Variants in SRBD1 observed in about 807,000 individuals in gnomAD.
SRBD1 encodes S1 RNA binding domain 1, also known as S1 RNA-binding domain-containing protein 1.
Under a neutral mutation model 115.3 loss-of-function variants are expected in SRBD1, and 88 were observed. That is an observed-to-expected ratio of 0.76 (90% CI 0.64 to 0.91). SRBD1 has a LOEUF of 0.91. Ranked by LOEUF, SRBD1 falls within the 40% of genes least tolerant of loss-of-function variation. SRBD1 has a pLI of 0.00. For missense variants in SRBD1, 1,385 were observed against 1,177.4 expected (o/e 1.18, Z -2.58); for synonymous variants, 509 against 407.7 (o/e 1.25, Z -2.99).
At chr2:45,475,217 C>T (rs1669770180) in intron 16 of SRBD1, among the ~76,000 whole-genome samples, 1 of 152,162 alleles carries the variant, frequency 6.6e-6, no homozygotes, top group Non-Finnish European at 1.5e-5. Flanking sequence ...ATTCCTTTCC[C>T]TCACTTATCA....
At chr2:45,490,388 T>A (rs1670256812) in intron 14 of SRBD1, among the ~76,000 whole-genome samples, 1 of 152,118 alleles carries the variant, frequency 6.6e-6, no homozygotes, top group Non-Finnish European at 1.5e-5. Flanking sequence ...CTTAAATTCG[T>A]GACCCCCAAA....
intron 19 of SRBD1, among the ~76,000 whole-genome samples, chr2:45,412,127 G>C (rs1199502743): frequency 6.7e-6 from 1 of 150,058 alleles, no homozygotes; most frequent in Non-Finnish European, 1.5e-5. Flanking sequence ...AACAAAACAA[G>C]ACAAAAAAAA....
intron 4 of SRBD1, among the ~76,000 whole-genome samples, chr2:45,587,816 T>C (rs370223756): frequency 1.4e-4 from 22 of 152,350 alleles, no homozygotes; most frequent in Middle Eastern, 6.8e-3. Context: ...TTTAGCTAAC[T>C]ATTTTGACAC....
At chr2:45,547,479 G>C in intron 13 of SRBD1, 43 bp downstream of exon 13, 3 of 1,551,430 alleles carry the variant, frequency 1.9e-6, no homozygotes, top group Non-Finnish European at 2.7e-6. Flanking sequence ...ATCTCTGGTT[G>C]ACTGAGCCAC....
intron 14 of SRBD1, among the ~76,000 whole-genome samples, chr2:45,545,783 G>A (rs757825300): frequency 7.2e-5 from 11 of 152,092 alleles, no homozygotes; most frequent in Non-Finnish European, 1.3e-4. Flanking sequence ...TACTCCCCTT[G>A]TTACCCTGAG....
At chr2:45,530,350 A>G (rs3770283) in intron 14 of SRBD1, among the ~76,000 whole-genome samples, 58,644 of 151,696 alleles carry the variant, frequency 0.39, 12,450 homozygotes, top group African/African-American at 0.57. Context: ...CACAACACTA[A>G]GGCCAATTCA....
intron 4 of SRBD1, among the ~76,000 whole-genome samples, chr2:45,589,310 T>C (rs565217046): frequency 2.0e-5 from 3 of 152,206 alleles, no homozygotes; most frequent in Non-Finnish European, 2.9e-5. Flanking sequence ...GAAGATAAAA[T>C]ATTAATCCAA....
At chr2:45,544,403 A>G (rs1230401012) in intron 14 of SRBD1, among the ~76,000 whole-genome samples, 1 of 152,210 alleles carries the variant, frequency 6.6e-6, no homozygotes, top group African/African-American at 2.4e-5. Flanking sequence ...TAACATTTCC[A>G]AAGATGAAGA....
intron 20 of SRBD1, among the ~76,000 whole-genome samples, chr2:45,391,242 CTT>C (rs2103810878): frequency 6.6e-6 from 1 of 152,326 alleles, no homozygotes; most frequent in Non-Finnish European, 1.5e-5. Flanking sequence ...ACCATGCAAA[CTT>C]TAACACTTTC....
At chr2:45,456,974 T>C (rs1050926046) in intron 16 of SRBD1, among the ~76,000 whole-genome samples, 6 of 151,956 alleles carry the variant, frequency 3.9e-5, no homozygotes, top group Non-Finnish European at 8.8e-5. Context: ...AGAAAATGTA[T>C]ATATTTATGA....
chr2:45,397,322 T>C (rs776487736), intron 19 of SRBD1, among the ~76,000 whole-genome samples: 18 of 152,230 alleles, frequency 1.2e-4, no homozygotes, highest in Non-Finnish European at 1.9e-4. Context: ...ATATAACATA[T>C]ATATGTTACT....
chr2:45,556,448 CTTTTTTTT>C (rs59284495), intron 10 of SRBD1, among the ~76,000 whole-genome samples: 42 of 78,828 alleles, frequency 5.3e-4, no homozygotes, highest in South Asian at 2.9e-3. Flanking sequence ...TGCTCTATTA[CTTTTTTTT>C]TTTTTTTTTT....
chr2:45,571,122 C>A (rs1672992770), intron 9 of SRBD1, among the ~76,000 whole-genome samples: 1 of 152,212 alleles, frequency 6.6e-6, no homozygotes, highest in African/African-American at 2.4e-5. Context: ...TCTAGATGAA[C>A]TTTGGGCTCC....
chr2:45,465,447 T>C (rs1272203915), intron 16 of SRBD1, among the ~76,000 whole-genome samples: 1 of 152,048 alleles, frequency 6.6e-6, no homozygotes, highest in African/African-American at 2.4e-5. Flanking sequence ...GACACACGAA[T>C]GTGACAGTCA....
intron 12 of SRBD1, among the ~76,000 whole-genome samples, chr2:45,549,954 A>C (rs17322603): frequency 0.36 from 55,359 of 151,960 alleles, 11,082 homozygotes; most frequent in Non-Finnish European, 0.46. Context: ...ATTCGAGATG[A>C]AAGAAAAAAT....
At chr2:45,570,885 CCT>C (rs1672985483) in intron 9 of SRBD1, among the ~76,000 whole-genome samples, 1 of 152,080 alleles carries the variant, frequency 6.6e-6, no homozygotes, top group South Asian at 2.1e-4. Flanking sequence ...ACAGAAGAAG[CCT>C]CCCAGGTGGC....
chr2:45,584,205 C>A (rs1673447337), intron 5 of SRBD1, among the ~76,000 whole-genome samples: 1 of 152,184 alleles, frequency 6.6e-6, no homozygotes, highest in Non-Finnish European at 1.5e-5. Context: ...AGCTTCTTTT[C>A]AGAAACAGGA....
chr2:45,424,978 C>A (rs533115399), intron 16 of SRBD1, among the ~76,000 whole-genome samples: 1 of 152,112 alleles, frequency 6.6e-6, no homozygotes, highest in Non-Finnish European at 1.5e-5. Context: ...GCTAACTTAG[C>A]GAGAATGGCA....
chr2:45,436,186 C>T (rs1668492322), intron 16 of SRBD1, among the ~76,000 whole-genome samples: 1 of 151,896 alleles, frequency 6.6e-6, no homozygotes, highest in African/African-American at 2.4e-5. Flanking sequence ...GCAGAAAAAG[C>T]ACTTGACAAA....
Sources: allele counts gnomAD v4.1 joint callset (sites outside exome capture counted in the v4.1 genomes callset), GRCh38; gene constraint gnomAD v4.1.1; transcripts MANE v1.5; gene names NCBI Gene and HGNC (gene_info 2026-07-23, HGNC 2026-07-21).